PCNP: variants seen among roughly 807,000 people sequenced by gnomAD.
The protein encoded by PCNP is PEST proteolytic signal-containing nuclear protein.
PCNP carries 6 observed loss-of-function variants against 21.8 expected under a neutral mutation model. That is an observed-to-expected ratio of 0.28 (90% CI 0.15 to 0.54). PCNP has a LOEUF of 0.54. Ranked by LOEUF, PCNP falls within the 20% of genes least tolerant of loss-of-function variation. PCNP has a pLI of 0.95. For synonymous variants in PCNP, 67 were observed against 73.2 expected, an observed-to-expected ratio of 0.92 and a Z score of 0.43; for missense variants, 161 against 215.5, an observed-to-expected ratio of 0.75 and a Z score of 1.58.
At chr3:101,582,298 C>G (rs1935264654) in intron 2 of PCNP, among the ~76,000 whole-genome samples, 1 of 151,936 alleles carries the variant, frequency 6.6e-6, no homozygotes, top group Non-Finnish European at 1.5e-5. Context: ...ACTAAAAATA[C>G]AAAAATTAGC....
intron 2 of PCNP, among the ~76,000 whole-genome samples, chr3:101,583,639 ATTTTTTTGT>A (rs1282661263): frequency 7.3e-5 from 11 of 151,000 alleles, no homozygotes; most frequent in African/African-American, 2.7e-4. Context: ...AGGTCAGGAG[ATTTTTTTGT>A]TTTGTTTTTT....
intron 2 of PCNP, among the ~76,000 whole-genome samples, chr3:101,581,478 A>G (rs1935217868): frequency 6.6e-6 from 1 of 151,830 alleles, no homozygotes; most frequent in Non-Finnish European, 1.5e-5. Flanking sequence ...CTGTCATCCA[A>G]GCTGGAGTGC....
At position 101,593,602 on chromosome 3, in the gene PCNP, G is replaced by GT. The variant is rs1297458809; in HGVS notation, c.*854dup. 4 of 152,274 alleles carry GT rather than the reference G, an allele frequency of 2.6e-5. No individual in the cohort carries two copies. The highest frequency in any genetic ancestry group is 5.9e-5 in the Non-Finnish European group (4 of 67,964). The allele number at this position is 152,274 out of a possible 1,614,324, so 9.4% of individuals were successfully genotyped here. ...GTACATATTGCTTAAGTATTTGGCTGTTTTTATTTTTTAAAAGGTATAAAC... is the reference window on the plus strand; with the variant it reads ...GTACATATTGCTTAAGTATTTGGCTGTTTTTTATTTTTTAAAAGGTATAAAC... On this transcript the variant is annotated 3_prime_UTR_variant, in exon 5 of 5. Transcript: ENST00000265260.
intron 3 of PCNP, among the ~76,000 whole-genome samples, chr3:101,588,622 A>G (rs1351232683): frequency 1.3e-5 from 2 of 152,168 alleles, no homozygotes; most frequent in African/African-American, 2.4e-5. Flanking sequence ...ATATTTTTCC[A>G]GCTGTTACAT....
intron 4 of PCNP, among the ~76,000 whole-genome samples, chr3:101,591,774 T>G (rs7643291): frequency 2.4e-4 from 35 of 146,834 alleles, no homozygotes; most frequent in African/African-American, 5.9e-4. Flanking sequence ...GTGTTTTTTT[T>G]TTTTTTTTTT....
chr3:101,580,825 A>G (rs779206837), intron 2 of PCNP, among the ~76,000 whole-genome samples: 2 of 152,220 alleles, frequency 1.3e-5, no homozygotes, highest in African/African-American at 4.8e-5. Context: ...CTTCAACCAA[A>G]TAGATTTCTT....
chr3:101,579,288 A>G (rs1184706572), intron 1 of PCNP, among the ~76,000 whole-genome samples: 1 of 152,168 alleles, frequency 6.6e-6, no homozygotes, highest in Non-Finnish European at 1.5e-5. Context: ...TCAAGGAAAT[A>G]ACTGGGCTGT....
intron 2 of PCNP, among the ~76,000 whole-genome samples, chr3:101,584,099 T>C (rs750002132): frequency 4.6e-5 from 7 of 152,078 alleles, no homozygotes; most frequent in Non-Finnish European, 1.0e-4. Flanking sequence ...ACCTTACAAG[T>C]TGAAGAAAAG....
At chr3:101,574,932 A>G (rs1934784195) in intron 1 of PCNP, 1 of 152,192 alleles carries the variant, frequency 6.6e-6, no homozygotes, top group African/African-American at 2.4e-5. Flanking sequence ...TCTAGGGCTA[A>G]GGTTTGGTTG....
At chr3:101,575,719 C>A (rs1934842682) in intron 1 of PCNP, among the ~76,000 whole-genome samples, 1 of 152,050 alleles carries the variant, frequency 6.6e-6, no homozygotes, top group Non-Finnish European at 1.5e-5. Context: ...CTGTCTTGAC[C>A]GAGGGTAGCA....
chr3:101,589,884 A>C (rs1336383859), intron 3 of PCNP: 4 of 233,368 alleles, frequency 1.7e-5, no homozygotes, highest in Non-Finnish European at 2.5e-5. Flanking sequence ...GATGATAATC[A>C]TACCTCCCTC....
chr3:101,594,060 T>G lies in PCNP; in HGVS notation c.*1307T>G, dbSNP rs1935942001. 6.6e-6 allele frequency: 1 copy of G among 152,514 alleles called. No individual in the cohort carries two copies. The highest frequency in any genetic ancestry group is 6.5e-5 in the Admixed American group (1 of 15,274). The allele number at this position is 152,514 out of a possible 1,614,324, so 9.4% of individuals were successfully genotyped here. The stretch of plus-strand genomic sequence containing the variant: ...CTACAATATTATATTTGGAGGCAGC[T>G]TCAGACTGTTTTATTGGTGGTAGCT... On this transcript the variant is annotated 3_prime_UTR_variant, in exon 5 of 5. Coordinates refer to ENST00000265260, the MANE Select transcript of PCNP (RefSeq NM_020357.3).
At chr3:101,581,814 C>T (rs571316443) in intron 2 of PCNP, among the ~76,000 whole-genome samples, 12 of 152,136 alleles carry the variant, frequency 7.9e-5, no homozygotes, top group Admixed American at 2.6e-4. Flanking sequence ...GATCTTGGCT[C>T]ACTGCAACCT....
At chr3:101,579,747 A>G in intron 1 of PCNP, 43 bp from the exon 2 acceptor site, 2 of 1,363,618 alleles carry the variant, frequency 1.5e-6, no homozygotes, top group Non-Finnish European at 2.1e-6. Context: ...CAATCTGCTC[A>G]GTAAAAATAG....
chr3:101,583,408 C>T (rs777218981), intron 2 of PCNP, among the ~76,000 whole-genome samples: 4 of 151,988 alleles, frequency 2.6e-5, no homozygotes, highest in Admixed American at 6.6e-5. Flanking sequence ...GAGCTGAGAT[C>T]GTGACATTGC....
chr3:101,583,316 T>C (rs1241691707), intron 2 of PCNP, among the ~76,000 whole-genome samples: 1 of 151,976 alleles, frequency 6.6e-6, no homozygotes, highest in Admixed American at 6.6e-5. Flanking sequence ...AAATTAGCCA[T>C]GGTGGCACAC....
intron 2 of PCNP, among the ~76,000 whole-genome samples, chr3:101,582,692 A>T (rs932564274): frequency 6.6e-6 from 1 of 152,216 alleles, no homozygotes; most frequent in South Asian, 2.1e-4. Flanking sequence ...ACTGTAAAAA[A>T]TGTGTGTGGT....
At chr3:101,576,859 A>C in intron 1 of PCNP, 1 of 1,608,328 alleles carries the variant, frequency 6.2e-7, no homozygotes, top group Non-Finnish European at 8.5e-7. Flanking sequence ...AATGGCAGTG[A>C]TGGCAAAGGC....
chr3:101,576,735 C>T, intron 1 of PCNP: 6 of 1,611,944 alleles, frequency 3.7e-6, no homozygotes, highest in Non-Finnish European at 5.1e-6. Context: ...GTGGATTCTG[C>T]ATAACGGTGA....
Sources: allele counts gnomAD v4.1 joint callset (sites outside exome capture counted in the v4.1 genomes callset), GRCh38; gene constraint gnomAD v4.1.1; transcripts MANE v1.5; gene names NCBI Gene and HGNC (gene_info 2026-07-23, HGNC 2026-07-21).